The following UBN2 variants were observed in gnomAD, a reference collection of about 807,000 sequenced individuals.
The protein encoded by UBN2 is ubinuclein-2.
Under a neutral mutation model 120.2 loss-of-function variants are expected in UBN2, and 35 were observed. The ratio of observed to expected loss-of-function variants is 0.29; its 90% CI spans 0.22 to 0.39. The LOEUF is 0.39. UBN2 is among the 10% of genes least tolerant of loss of function. The probability of loss-of-function intolerance (pLI) is 1.00; values close to 1 mark genes in which losing one functional copy is unlikely to be tolerated. For missense variants in UBN2, 1,693 were observed against 1,663.2 expected, an observed-to-expected ratio of 1.02 and a Z score of -0.31; for synonymous variants, 661 against 648.7, an observed-to-expected ratio of 1.02 and a Z score of -0.29.
chr7:139,302,339 T>G lies in UBN2; in HGVS notation c.*4503T>G, dbSNP rs969507774. ...ACTCCCCTTTCCATGTTTGCAAAACTTCTGCCTTGTTTATTCCATTGCTTT... is the reference window on the plus strand; with the variant it reads ...ACTCCCCTTTCCATGTTTGCAAAACGTCTGCCTTGTTTATTCCATTGCTTT... On this transcript the variant is annotated 3_prime_UTR_variant, in exon 18 of 18. Transcript: ENST00000473989. The G allele has an allele frequency of 1.3e-5, 2 of 152,250 alleles. No homozygotes were observed. Among genetic ancestry groups the G allele is most frequent in the African/African-American group, 4.8e-5 (2 of 41,468 alleles). 9.4% of individuals were successfully genotyped at this position (152,250 alleles called of 1,614,324 possible).
At chr7:139,236,921 A>C (rs1245065082) in intron 1 of UBN2, 84 bp from the exon 2 acceptor site, 1 of 776,638 alleles carries the variant, frequency 1.3e-6, no homozygotes, top group Non-Finnish European at 2.0e-6. Flanking sequence ...AGTGGTTGTT[A>C]CATAATGATA....
intron 15 of UBN2, among the ~76,000 whole-genome samples, chr7:139,291,614 G>A (rs1266730918): frequency 2.0e-5 from 3 of 152,084 alleles, no homozygotes; most frequent in Non-Finnish European, 4.4e-5. Context: ...GCTTTGGAAG[G>A]CCTAGGTGTG....
chr7:139,319,726 A>G, the UBN2 span, among the ~76,000 whole-genome samples: 1 of 151,826 alleles, frequency 6.6e-6, no homozygotes, highest in Non-Finnish European at 1.5e-5. Flanking sequence ...GGTCTCCTTT[A>G]CTTCCCTGTT....
At chr7:139,330,181 C>T in the UBN2 span, among the ~76,000 whole-genome samples, 1 of 152,314 alleles carries the variant, frequency 6.6e-6, no homozygotes, top group East Asian at 1.9e-4. Context: ...CTATTTGCTT[C>T]AAATGTACAT....
At chr7:139,261,801 T>G in intron 6 of UBN2, 60 bp downstream of exon 6, 1 of 1,512,222 alleles carries the variant, frequency 6.6e-7, no homozygotes, top group Non-Finnish European at 8.9e-7. Context: ...TTAATGCTTT[T>G]GTTCGTTTGT....
At chr7:139,293,571 A>T in intron 16 of UBN2, 108 bp downstream of exon 16, 6 of 798,762 alleles carry the variant, frequency 7.5e-6, no homozygotes, top group Non-Finnish European at 1.1e-5. Context: ...TGAAGATTAT[A>T]GTTTTTTTTT....
the UBN2 span, among the ~76,000 whole-genome samples, chr7:139,314,761 A>G: frequency 6.6e-6 from 1 of 152,020 alleles, no homozygotes; most frequent in African/African-American, 2.4e-5. Context: ...CTGGGATTAC[A>G]GGCGTGAGCC....
intron 11 of UBN2, among the ~76,000 whole-genome samples, chr7:139,275,372 A>G (rs1314867186): frequency 6.6e-6 from 1 of 150,902 alleles, no homozygotes; most frequent in Non-Finnish European, 1.5e-5. Context: ...TCACGAGGTC[A>G]GGAGATTGAG....
chr7:139,272,541 T>TGTATG, intron 9 of UBN2, 101 bp downstream of exon 9: 89 of 822,200 alleles, frequency 1.1e-4, no homozygotes, highest in Admixed American at 1.0e-3. Context: ...TATGTATGTA[T>TGTATG]TTTGAGACGG....
At chr7:139,254,081 C>T (rs1469813992) in intron 3 of UBN2, among the ~76,000 whole-genome samples, 3 of 152,162 alleles carry the variant, frequency 2.0e-5, no homozygotes, top group African/African-American at 7.2e-5. Flanking sequence ...ATCACGAGGT[C>T]AGGAGATCGA....
At position 139,293,232 on chromosome 7, in the gene UBN2, T is replaced by A. The variant is rs769323698; in HGVS notation, c.3670T>A (p.Ser1224Thr). Reference sequence around the variant, plus strand: ...ATTTTGACCCCTGGTTTCTGCACAGTCCACAGCAGGAGCATCATTATTGGC... The same window carrying A: ...ATTTTGACCCCTGGTTTCTGCACAGACCACAGCAGGAGCATCATTATTGGC... Reference protein sequence around the residue: ...GSSVVTASVQSTAGASLLANA... With the variant: ...GSSVVTASVQTTAGASLLANA... The change falls in exon 16 of 18, where the codon TCC becomes ACC. Residue 1224 changes from serine to threonine, a missense_variant and splice_region_variant. Around this residue, in one of 5 missense-constraint regions of UBN2, gnomAD observed 837 missense variants for 817.6 expected, o/e 1.02. Transcript: ENST00000473989. The A allele has an allele frequency of 1.2e-6, 2 of 1,613,908 alleles. No individual in the cohort carries two copies. The highest frequency in any genetic ancestry group is 1.7e-6 in the Non-Finnish European group (2 of 1,179,756).
intron 17 of UBN2, among the ~76,000 whole-genome samples, chr7:139,296,079 A>G (rs1392734240): frequency 6.6e-6 from 1 of 152,220 alleles, no homozygotes; most frequent in Non-Finnish European, 1.5e-5. Context: ...TGGAGACAAC[A>G]AATGTTTTTT....
chr7:139,254,231 T>C (rs1796698662), intron 3 of UBN2, among the ~76,000 whole-genome samples: 1 of 151,978 alleles, frequency 6.6e-6, no homozygotes, highest in Non-Finnish European at 1.5e-5. Flanking sequence ...AGGCGGAGCT[T>C]GCAGTGAGCC....
chr7:139,308,202 G>T lies in UBN2; in HGVS notation c.*10366G>T, dbSNP rs1798398940. ...TTCTTTTTGTATATGTTACGTGTTT[G>T]TTGTTGTATTAAATAAAGAGGAATG... On this transcript the variant is annotated 3_prime_UTR_variant, in exon 18 of 18. Coordinates refer to ENST00000473989, the MANE Select transcript of UBN2 (RefSeq NM_173569.4). 6.6e-6 allele frequency: 1 copy of T among 151,718 alleles called. No individual in the cohort carries two copies. Among genetic ancestry groups the T allele is most frequent in the African/African-American group, 2.4e-5 (1 of 41,154 alleles). The allele number at this position is 151,718 out of a possible 1,614,324, so 9.4% of individuals were successfully genotyped here. A position where few individuals can be genotyped will look rare whatever the true frequency, so the allele number is the denominator to read the frequency against.
At chr7:139,292,123 A>G (rs948125717) in intron 15 of UBN2, among the ~76,000 whole-genome samples, 4 of 151,302 alleles carry the variant, frequency 2.6e-5, no homozygotes, top group African/African-American at 9.7e-5. Context: ...GTATAGTGGC[A>G]TGTGCCTGTA....
intron 2 of UBN2, among the ~76,000 whole-genome samples, chr7:139,248,575 T>G (rs1304330277): frequency 6.6e-6 from 1 of 152,190 alleles, no homozygotes; most frequent in Non-Finnish European, 1.5e-5. Context: ...TTAATTCTTA[T>G]ATACTAGGTT....
intron 11 of UBN2, among the ~76,000 whole-genome samples, chr7:139,274,565 C>T (rs1287291291): frequency 2.0e-5 from 3 of 151,684 alleles, no homozygotes; most frequent in African/African-American, 7.3e-5. Flanking sequence ...GAGTTCAAGA[C>T]CAGCCTGACC....
Position 139,279,315 on chromosome 7 carries a change from T to C in UBN2, c.2025-3T>C. On this transcript the variant is annotated splice_polypyrimidine_tract_variant and splice_region_variant and intron_variant, in intron 12 of 17. Transcript: ENST00000473989. The stretch of plus-strand genomic sequence containing the variant: ...ATAGCCTTTTAAAATCTTTTTATCT[T>C]AGGGCAAAGAAAAAGGTGATTCCTG... 1.2e-6 allele frequency: 2 copies of C among 1,609,072 alleles called. No homozygotes were observed. Among genetic ancestry groups the C allele is most frequent in the South Asian group, 1.1e-5 (1 of 90,442 alleles).
chr7:139,249,242 G>T (rs1796553075), intron 2 of UBN2, among the ~76,000 whole-genome samples: 1 of 152,110 alleles, frequency 6.6e-6, no homozygotes, highest in South Asian at 2.1e-4. Context: ...TGGTGATGAT[G>T]GTATAGTAAT....
Sources: gnomAD v4.1 joint callset for allele counts (sites outside exome capture counted in the v4.1 genomes callset) on GRCh38, gnomAD v4.1.1 for gene constraint, gnomAD v4.1.1 regional missense constraint, MANE v1.5 for transcripts, NCBI Gene and HGNC (gene_info 2026-07-23, HGNC 2026-07-21) for gene names.